Variants in LRRC3B observed in about 807,000 individuals in gnomAD.
LRRC3B encodes the protein leucine rich repeat containing 3B.
LRRC3B carries 2 observed loss-of-function variants against 12.8 expected under a neutral mutation model. That is an observed-to-expected ratio of 0.16 (90% CI 0.06 to 0.49). The LOEUF is 0.49. LRRC3B is among the 20% of genes least tolerant of loss of function. The probability of loss-of-function intolerance (pLI) is 0.96; values close to 1 mark genes in which losing one functional copy is unlikely to be tolerated. For synonymous variants in LRRC3B, 132 were observed against 122.0 expected (o/e 1.08, Z -0.54); for missense variants, 189 against 319.4 (o/e 0.59, Z 3.11).
At chr3:26,706,375 C>T (rs1196640125) in intron 1 of LRRC3B, among the ~76,000 whole-genome samples, 1 of 152,162 alleles carries the variant, frequency 6.6e-6, no homozygotes, top group Non-Finnish European at 1.5e-5. Flanking sequence ...TTTATTCTGG[C>T]TGGGGGTGAT....
intron 1 of LRRC3B, among the ~76,000 whole-genome samples, chr3:26,641,068 C>T (rs1041456338): frequency 7.9e-5 from 12 of 152,078 alleles, no homozygotes; most frequent in Admixed American, 6.5e-4. Context: ...TAGTAGGGAC[C>T]GTGAAGGAAG....
At chr3:26,640,781 C>T (rs927498606) in intron 1 of LRRC3B, among the ~76,000 whole-genome samples, 2 of 151,990 alleles carry the variant, frequency 1.3e-5, no homozygotes, top group Admixed American at 1.3e-4. Flanking sequence ...ATGGAGAGCA[C>T]AAGAGTCATA....
In LRRC3B at chr3:26,679,353, C is replaced by T. The variant is rs60579512; in HGVS notation, c.-160-30160C>T. ...CTTCTGGCATAGTATTTGAGATCTCCATGGTCTCCCTGATGGCCTCACCAA... is the reference window on the plus strand; with the variant it reads ...CTTCTGGCATAGTATTTGAGATCTCTATGGTCTCCCTGATGGCCTCACCAA... On this transcript the variant is annotated intron_variant, in intron 1 of 1. Transcript: ENST00000396641. 1.7e-3 allele frequency among the ~76,000 whole-genome samples: 254 copies of T among 152,318 alleles called. 1 individual carries two copies. Among genetic ancestry groups the T allele is most frequent in the African/African-American group, 5.5e-3 (229 of 41,568 alleles).
At chr3:26,689,378 C>T (rs890737536) in intron 1 of LRRC3B, among the ~76,000 whole-genome samples, 2 of 152,180 alleles carry the variant, frequency 1.3e-5, no homozygotes, top group African/African-American at 2.4e-5. Context: ...ACACCAGGAC[C>T]AGTCCTGACA....
intron 1 of LRRC3B, among the ~76,000 whole-genome samples, chr3:26,708,864 A>G (rs1700673535): frequency 6.6e-6 from 1 of 152,148 alleles, no homozygotes; most frequent in Non-Finnish European, 1.5e-5. Context: ...GAGAGAGAAG[A>G]TCCTCTGGAA....
intron 1 of LRRC3B, among the ~76,000 whole-genome samples, chr3:26,637,082 C>T (rs977776029): frequency 1.3e-5 from 2 of 150,688 alleles, no homozygotes; most frequent in Non-Finnish European, 3.0e-5. Context: ...CTGCAACCTC[C>T]GCCTCTCGAG....
intron 1 of LRRC3B, among the ~76,000 whole-genome samples, chr3:26,683,700 A>T (rs1700017376): frequency 6.6e-6 from 1 of 151,916 alleles, no homozygotes. Flanking sequence ...CCACTCCACC[A>T]CTCTGTTCAG....
At chr3:26,710,404 C>T (rs754241157) in exon 2 of LRRC3B, 2 of 1,613,662 alleles carry the variant, frequency 1.2e-6, no homozygotes, top group Non-Finnish European at 1.7e-6. Flanking sequence ...CCCTGCCAAG[C>T]AGGCAGAAGA....
At chr3:26,659,110 A>C (rs184616694) in intron 1 of LRRC3B, among the ~76,000 whole-genome samples, 1 of 152,364 alleles carries the variant, frequency 6.6e-6, no homozygotes, top group Admixed American at 6.5e-5. Context: ...ATATCGATTA[A>C]TAACAGCCAT....
intron 1 of LRRC3B, among the ~76,000 whole-genome samples, chr3:26,685,486 CCTCTCTCTCTCT>C (rs61229084): frequency 1.4e-3 from 69 of 49,554 alleles, no homozygotes; most frequent in Non-Finnish European, 2.0e-3. Flanking sequence ...AGACTCTCTC[CCTCTCTCTCTCT>C]CTCTCTCTCT....
intron 1 of LRRC3B, among the ~76,000 whole-genome samples, chr3:26,645,789 C>A (rs1360637943): frequency 2.6e-5 from 4 of 152,090 alleles, no homozygotes; most frequent in Admixed American, 6.6e-5. Flanking sequence ...ATGAGGGTAT[C>A]ATGTCAGAAA....
chr3:26,671,087 C>T (rs1357784892), intron 1 of LRRC3B, among the ~76,000 whole-genome samples: 1 of 130,290 alleles, frequency 7.7e-6, no homozygotes, highest in East Asian at 2.4e-4. Flanking sequence ...GGGATCTCGG[C>T]TCACTGCAAG....
At chr3:26,670,125 G>A (rs1370627823) in intron 1 of LRRC3B, among the ~76,000 whole-genome samples, 2 of 152,100 alleles carry the variant, frequency 1.3e-5, no homozygotes, top group Non-Finnish European at 2.9e-5. Context: ...TTTATCCTGT[G>A]TGTGCTGTTA....
At chr3:26,663,974 G>A (rs980555625) in intron 1 of LRRC3B, among the ~76,000 whole-genome samples, 7 of 152,028 alleles carry the variant, frequency 4.6e-5, no homozygotes, top group African/African-American at 1.7e-4. Flanking sequence ...GAACACATTT[G>A]AACATGTACT....
intron 1 of LRRC3B, among the ~76,000 whole-genome samples, chr3:26,635,761 C>T (rs1419894595): frequency 6.6e-6 from 1 of 152,204 alleles, no homozygotes; most frequent in Non-Finnish European, 1.5e-5. Flanking sequence ...AAATGGACCT[C>T]GCTTTTGCAT....
chr3:26,650,807 G>A (rs1407294036), intron 1 of LRRC3B, among the ~76,000 whole-genome samples: 1 of 152,120 alleles, frequency 6.6e-6, no homozygotes, highest in African/African-American at 2.4e-5. Flanking sequence ...ACTGACACAA[G>A]ACTTCCGTTA....
At position 26,648,057 on chromosome 3, in the gene LRRC3B, T is replaced by C. The variant is rs1699189128; in HGVS notation, c.-161+24820T>C. ...GAACTGATGAGGAAGGAGTACATCT[T>C]GCCCATGTATGGTATAAAAAGTTTG... On this transcript the variant is annotated intron_variant, in intron 1 of 1. Coordinates refer to ENST00000396641, the Ensembl canonical transcript of LRRC3B. Among the ~76,000 whole-genome samples, 3 of 151,896 alleles carry C rather than the reference T, an allele frequency of 2.0e-5. No homozygotes were observed. In the South Asian group the frequency reaches 6.2e-4, roughly 32 times the overall value.
chr3:26,710,498 T>C (rs1343861270), exon 2 of LRRC3B: 12 of 1,503,050 alleles, frequency 8.0e-6, no homozygotes, highest in Non-Finnish European at 1.1e-5. Flanking sequence ...TAGTTTGCGA[T>C]TGCAGTAGAA....
chr3:26,639,251 G>A (rs551762229), intron 1 of LRRC3B, among the ~76,000 whole-genome samples: 14 of 151,898 alleles, frequency 9.2e-5, no homozygotes, highest in Non-Finnish European at 1.5e-4. Flanking sequence ...CAAAATTATC[G>A]TTTTGACTTG....
Sources: allele counts gnomAD v4.1 joint callset (sites outside exome capture counted in the v4.1 genomes callset), GRCh38; gene constraint gnomAD v4.1.1; transcripts MANE v1.5; gene names NCBI Gene and HGNC (gene_info 2026-07-23, HGNC 2026-07-21).